ANKFN1: variants seen among roughly 807,000 people sequenced by gnomAD.
ANKFN1 encodes the protein ankyrin repeat and fibronectin type-III domain-containing protein 1.
ANKFN1 carries 74 observed loss-of-function variants against 108.7 expected under a neutral mutation model. The observed-to-expected ratio is 0.68, with a 90% CI of 0.56 to 0.83. ANKFN1 has a LOEUF of 0.83. ANKFN1 is among the 40% of genes least tolerant of loss of function. The probability of loss-of-function intolerance (pLI) is 0.00; values close to 1 mark genes in which losing one functional copy is unlikely to be tolerated. For synonymous variants in ANKFN1, 547 were observed against 516.2 expected (o/e 1.06, Z -0.81); for missense variants, 1,505 against 1,382.3 (o/e 1.09, Z -1.41).
At chr17:56,251,119 A>G (rs946379029) in intron 3 of ANKFN1, among the ~76,000 whole-genome samples, 1 of 152,220 alleles carries the variant, frequency 6.6e-6, no homozygotes, top group Admixed American at 6.5e-5. Context: ...GGCTGACCAC[A>G]GTGGCTCATG....
chr17:56,377,430 T>A (rs16957146), intron 8 of ANKFN1, among the ~76,000 whole-genome samples: 3,200 of 150,522 alleles, frequency 0.021, 114 homozygotes, highest in African/African-American at 0.071. Flanking sequence ...GAAACAGTTT[T>A]CAGTGAGACC....
At chr17:56,170,807 T>TACACACACACACACACACACACACAC (rs112596144) in intron 1 of ANKFN1, among the ~76,000 whole-genome samples, 41 of 61,442 alleles carry the variant, frequency 6.7e-4, no homozygotes, top group South Asian at 4.6e-3. Context: ...TATATATATA[T>TACACACACACACACACACACACACAC]ACACACACAC....
At chr17:56,357,975 T>C (rs2046418141) in intron 6 of ANKFN1, among the ~76,000 whole-genome samples, 1 of 152,166 alleles carries the variant, frequency 6.6e-6, no homozygotes, top group Admixed American at 6.6e-5. Context: ...CACAACAAAG[T>C]TAATAGGTGG....
chr17:56,137,711 G>T (rs1017789360), intron 4 of ANKFN1, among the ~76,000 whole-genome samples: 1 of 152,040 alleles, frequency 6.6e-6, no homozygotes, highest in South Asian at 2.1e-4. Context: ...GTTCTGTTTT[G>T]GTGGAATTAT....
At chr17:56,401,652 T>A (rs2047769579) in intron 8 of ANKFN1, among the ~76,000 whole-genome samples, 1 of 152,082 alleles carries the variant, frequency 6.6e-6, no homozygotes, top group Non-Finnish European at 1.5e-5. Flanking sequence ...TGACTTCCTC[T>A]TTACCAATCT....
At chr17:56,414,757 T>C (rs1598563634) in intron 8 of ANKFN1, among the ~76,000 whole-genome samples, 1 of 152,186 alleles carries the variant, frequency 6.6e-6, no homozygotes, top group Non-Finnish European at 1.5e-5. Flanking sequence ...TGGTGGCTCA[T>C]GTGTTTAATC....
intron 8 of ANKFN1, among the ~76,000 whole-genome samples, chr17:56,426,900 G>C (rs948446922): frequency 6.6e-6 from 1 of 152,160 alleles, no homozygotes; most frequent in African/African-American, 2.4e-5. Flanking sequence ...AAGACTCTTT[G>C]TTTCCCTGGG....
intron 8 of ANKFN1, among the ~76,000 whole-genome samples, chr17:56,410,446 A>T (rs2048059002): frequency 6.6e-6 from 1 of 152,200 alleles, no homozygotes. Context: ...ATGGGGTATA[A>T]TATGATTTGA....
intron 14 of ANKFN1, among the ~76,000 whole-genome samples, chr17:56,458,644 C>T (rs2049796299): frequency 6.6e-6 from 1 of 152,088 alleles, no homozygotes. Flanking sequence ...CTGGGTTTTC[C>T]TCTTACTGTT....
At chr17:56,292,508 TG>T (rs1244145227) in intron 3 of ANKFN1, among the ~76,000 whole-genome samples, 1 of 152,204 alleles carries the variant, frequency 6.6e-6, no homozygotes, top group Non-Finnish European at 1.5e-5. Context: ...TCTTTTCTTG[TG>T]TCTGTGTTGG....
upstream of ANKFN1, among the ~76,000 whole-genome samples, chr17:56,152,106 T>C (rs1406209393): frequency 6.6e-6 from 1 of 152,172 alleles, no homozygotes; most frequent in Non-Finnish European, 1.5e-5. Context: ...ATCCATTTGA[T>C]AAGCATTCTG....
chr17:56,049,543 C>T (rs1904738466), intron 4 of ANKFN1, among the ~76,000 whole-genome samples: 1 of 151,258 alleles, frequency 6.6e-6, no homozygotes, highest in Admixed American at 6.6e-5. Context: ...CCTCCCCCTT[C>T]CCCCGACCCC....
At chr17:56,370,321 G>A (rs1408876676) in intron 6 of ANKFN1, among the ~76,000 whole-genome samples, 1 of 152,136 alleles carries the variant, frequency 6.6e-6, no homozygotes, top group African/African-American at 2.4e-5. Flanking sequence ...AAAATGTGTG[G>A]TTCTAGGGAA....
chr17:56,047,856 G>A (rs1460257602), intron 4 of ANKFN1, among the ~76,000 whole-genome samples: 1 of 152,124 alleles, frequency 6.6e-6, no homozygotes, highest in Non-Finnish European at 1.5e-5. Flanking sequence ...CCTAATTTAA[G>A]CAACCCAGGA....
intron 8 of ANKFN1, among the ~76,000 whole-genome samples, chr17:56,388,908 C>T (rs2047350537): frequency 6.6e-6 from 1 of 151,042 alleles, no homozygotes; most frequent in African/African-American, 2.4e-5. Flanking sequence ...ATAGTGACAA[C>T]AGCAAATGCT....
intron 2 of ANKFN1, among the ~76,000 whole-genome samples, chr17:56,227,322 T>C (rs1018055709): frequency 3.3e-5 from 5 of 152,156 alleles, no homozygotes; most frequent in African/African-American, 1.2e-4. Flanking sequence ...CACAGTCTAA[T>C]TGTCCCTCCC....
intron 8 of ANKFN1, among the ~76,000 whole-genome samples, chr17:56,430,410 T>C (rs2048713409): frequency 1.3e-5 from 2 of 151,730 alleles, no homozygotes. Flanking sequence ...AGTCAAATGG[T>C]AAAAAGTTAT....
chr17:56,106,864 G>A (rs1905761949), intron 4 of ANKFN1, among the ~76,000 whole-genome samples: 1 of 152,086 alleles, frequency 6.6e-6, no homozygotes, highest in Non-Finnish European at 1.5e-5. Flanking sequence ...TTGTTATTGG[G>A]AGCCAGCTTA....
At chr17:56,372,342 T>A (rs898214329) in intron 6 of ANKFN1, among the ~76,000 whole-genome samples, 1 of 152,194 alleles carries the variant, frequency 6.6e-6, no homozygotes, top group Admixed American at 6.5e-5. Context: ...GAAGTGGTCC[T>A]CCTGGGTACT....
Sources: allele counts gnomAD v4.1 joint callset (sites outside exome capture counted in the v4.1 genomes callset), GRCh38; gene constraint gnomAD v4.1.1; transcripts MANE v1.5; gene names NCBI Gene and HGNC (gene_info 2026-07-23, HGNC 2026-07-21).